Variants in CEP63 observed in about 807,000 individuals in gnomAD.
CEP63 encodes the protein centrosomal protein 63.
CEP63 carries 84 observed loss-of-function variants against 89.1 expected under a neutral mutation model. The ratio of observed to expected loss-of-function variants is 0.94; its 90% CI spans 0.79 to 1.13. The LOEUF (loss-of-function observed/expected upper bound fraction) is 1.13, where lower values mean the gene tolerates loss of function less well. Ranked by LOEUF, CEP63 falls within the 50% of genes most tolerant of loss-of-function variation. The pLI is 0.00. For synonymous variants in CEP63, 267 were observed against 272.5 expected, an observed-to-expected ratio of 0.98 and a Z score of 0.20; for missense variants, 838 against 813.3, an observed-to-expected ratio of 1.03 and a Z score of -0.37.
chr3:134,532,866 G>A lies in CEP63; in HGVS notation c.407G>A (p.Arg136Gln), dbSNP rs746336496. The change falls in exon 5 of 15, where the codon CGG becomes CAG. Residue 136 changes from arginine (R) to glutamine (Q), a missense_variant. By Grantham distance (43) the Arg-to-Gln change is conservative (BLOSUM62 1). Transcript: ENST00000675561. ...AATACCAAAAATCACAGGGAAGATCGGTCTGAAATTGAGAGGTTAACTGCA... is the reference window on the plus strand; with the variant it reads ...AATACCAAAAATCACAGGGAAGATCAGTCTGAAATTGAGAGGTTAACTGCA... ...RGNTKNHRED[R>Q]SEIERLTAKI... 10 of 1,613,732 alleles carry A rather than the reference G, an allele frequency of 6.2e-6. No homozygotes were observed. The highest frequency in any genetic ancestry group is 1.1e-5 in the South Asian group (1 of 91,074).
At chr3:134,674,555 T>G in the CEP63 span, among the ~76,000 whole-genome samples, 3 of 151,956 alleles carry the variant, frequency 2.0e-5, no homozygotes, top group African/African-American at 7.3e-5. Context: ...CTCTTACCAT[T>G]GCTACTTTAA....
At chr3:134,703,507 T>G in the CEP63 span, among the ~76,000 whole-genome samples, 1 of 152,046 alleles carries the variant, frequency 6.6e-6, no homozygotes, top group Non-Finnish European at 1.5e-5. Context: ...CCATTATCCT[T>G]AGTAAACTAA....
chr3:134,717,010 C>T, the CEP63 span, among the ~76,000 whole-genome samples: 1 of 152,154 alleles, frequency 6.6e-6, no homozygotes, highest in Non-Finnish European at 1.5e-5. Flanking sequence ...GGTGTCATGC[C>T]TCCCCTTTTG....
intron 2 of CEP63, among the ~76,000 whole-genome samples, chr3:134,496,832 G>GT (rs974827627): frequency 1.3e-5 from 2 of 152,120 alleles, no homozygotes; most frequent in African/African-American, 4.8e-5. Context: ...TCTATTTTTA[G>GT]TTTTTTAGAA....
At chr3:134,610,400 G>C in the CEP63 span, 1 of 1,600,392 alleles carries the variant, frequency 6.2e-7, no homozygotes, top group Non-Finnish European at 8.5e-7. Context: ...GCAGGACAGG[G>C]GGTCTGAGAG....
chr3:134,758,207 G>A, the CEP63 span, among the ~76,000 whole-genome samples: 1 of 152,190 alleles, frequency 6.6e-6, no homozygotes, highest in Non-Finnish European at 1.5e-5. Flanking sequence ...GATTGTAAGT[G>A]CCATGAGGTT....
chr3:134,526,155 T>A (rs1431118825), intron 3 of CEP63, among the ~76,000 whole-genome samples: 1 of 152,208 alleles, frequency 6.6e-6, no homozygotes, highest in East Asian at 1.9e-4. Flanking sequence ...TTCTCTATTC[T>A]TGCCTGTCTT....
the CEP63 span, among the ~76,000 whole-genome samples, chr3:134,704,289 A>G: frequency 6.6e-6 from 1 of 152,086 alleles, no homozygotes; most frequent in Non-Finnish European, 1.5e-5. Flanking sequence ...GTATATGCAA[A>G]TTTATGACTT....
intron 3 of CEP63, among the ~76,000 whole-genome samples, chr3:134,509,749 A>G (rs373798998): frequency 1.3e-5 from 2 of 152,218 alleles, no homozygotes; most frequent in Admixed American, 6.5e-5. Flanking sequence ...GTTAAACTCA[A>G]TTGGATACAT....
At chr3:134,682,790 T>C in the CEP63 span, among the ~76,000 whole-genome samples, 1 of 152,184 alleles carries the variant, frequency 6.6e-6, no homozygotes, top group Non-Finnish European at 1.5e-5. Context: ...GAAGGTACTA[T>C]TATCCTCATT....
At chr3:134,718,732 A>G in the CEP63 span, among the ~76,000 whole-genome samples, 12 of 152,312 alleles carry the variant, frequency 7.9e-5, no homozygotes, top group East Asian at 2.3e-3. Context: ...TAGACAAACC[A>G]TGGCTTCTCC....
chr3:134,629,510 A>G, the CEP63 span: 1 of 781,362 alleles, frequency 1.3e-6, no homozygotes, highest in Non-Finnish European at 2.2e-6. Context: ...TTGCAGGCCC[A>G]TGTCACTCTT....
chr3:134,501,579 TA>T (rs1436055891), intron 2 of CEP63, among the ~76,000 whole-genome samples: 1 of 151,848 alleles, frequency 6.6e-6, no homozygotes, highest in Non-Finnish European at 1.5e-5. Flanking sequence ...GATTTTTTTT[TA>T]TGTGTGGCTA....
the CEP63 span, among the ~76,000 whole-genome samples, chr3:134,600,263 A>C: frequency 6.6e-6 from 1 of 152,192 alleles, no homozygotes; most frequent in Non-Finnish European, 1.5e-5. Flanking sequence ...ATGGCATCTA[A>C]AACCTCAGAC....
the CEP63 span, among the ~76,000 whole-genome samples, chr3:134,754,281 C>A: frequency 1.3e-5 from 2 of 152,206 alleles, no homozygotes; most frequent in Admixed American, 6.5e-5. Context: ...GGCCAAGCAA[C>A]CATGAGAGCA....
chr3:134,690,600 A>G, the CEP63 span, among the ~76,000 whole-genome samples: 1 of 152,130 alleles, frequency 6.6e-6, no homozygotes, highest in Non-Finnish European at 1.5e-5. Context: ...ATATCCTTCC[A>G]AGTTTAGTCT....
chr3:134,627,884 C>T, the CEP63 span: 1 of 1,283,114 alleles, frequency 7.8e-7, no homozygotes, highest in South Asian at 1.2e-5. Flanking sequence ...GCACTGATGA[C>T]TCACCTTCTG....
intron 1 of CEP63, among the ~76,000 whole-genome samples, chr3:134,487,625 A>G (rs1936063691): frequency 6.6e-6 from 1 of 152,226 alleles, no homozygotes; most frequent in Non-Finnish European, 1.5e-5. Flanking sequence ...AGAAGGTTTC[A>G]GGAACTGAAT....
chr3:134,492,199 G>A (rs1302591547), intron 1 of CEP63, among the ~76,000 whole-genome samples: 9 of 149,136 alleles, frequency 6.0e-5, no homozygotes, highest in African/African-American at 7.4e-5. Context: ...TCAGCCTCCC[G>A]TGTAGCTGGG....
Sources: allele counts gnomAD v4.1 joint callset (sites outside exome capture counted in the v4.1 genomes callset), GRCh38; gene constraint gnomAD v4.1.1; transcripts MANE v1.5; gene names NCBI Gene and HGNC (gene_info 2026-07-23, HGNC 2026-07-21).